Variants in NFATC2 observed in about 807,000 individuals in gnomAD.
NFATC2 encodes the protein nuclear factor of activated T cells 2, also known as nuclear factor of activated T-cells, cytoplasmic 2.
NFATC2 carries 22 observed loss-of-function variants against 87.3 expected under a neutral mutation model. The observed-to-expected ratio is 0.25, with a 90% CI of 0.18 to 0.36. The LOEUF (loss-of-function observed/expected upper bound fraction) is 0.36, where lower values mean the gene tolerates loss of function less well. NFATC2 is among the 10% of genes least tolerant of loss of function. NFATC2 has a pLI of 1.00. For missense variants in NFATC2, 1,149 were observed against 1,259.1 expected, an observed-to-expected ratio of 0.91 and a Z score of 1.32; for synonymous variants, 565 against 542.2, an observed-to-expected ratio of 1.04 and a Z score of -0.58.
At chr20:51,449,827 G>A (rs1985548300) in intron 6 of NFATC2, among the ~76,000 whole-genome samples, 1 of 152,036 alleles carries the variant, frequency 6.6e-6, no homozygotes, top group Non-Finnish European at 1.5e-5. Flanking sequence ...CTCTTATGAG[G>A]GATCAGATTA....
At chr20:51,552,303 T>C (rs1009850170) in intron 1 of NFATC2, among the ~76,000 whole-genome samples, 1 of 151,268 alleles carries the variant, frequency 6.6e-6, no homozygotes, top group Non-Finnish European at 1.5e-5. Flanking sequence ...CATATATGTA[T>C]GTGTGTCTGT....
At chr20:51,423,424 G>T (rs1438323733) in intron 9 of NFATC2, among the ~76,000 whole-genome samples, 1 of 151,232 alleles carries the variant, frequency 6.6e-6, no homozygotes, top group Non-Finnish European at 1.5e-5. Flanking sequence ...ATCCTGAAAT[G>T]AGTGAGGTAG....
chr20:51,406,369 G>A (rs886167382), intron 9 of NFATC2, among the ~76,000 whole-genome samples: 1 of 98,412 alleles, frequency 1.0e-5, no homozygotes, highest in African/African-American at 2.6e-5. Flanking sequence ...GGTACACAAA[G>A]AAAAATGGGG....
intron 6 of NFATC2, among the ~76,000 whole-genome samples, chr20:51,437,534 C>T (rs1049580703): frequency 2.0e-5 from 3 of 152,136 alleles, no homozygotes; most frequent in Admixed American, 1.3e-4. Flanking sequence ...ATTCACCCAG[C>T]GAAATCTGGA....
At chr20:51,482,823 T>C (rs537980594) in intron 3 of NFATC2, among the ~76,000 whole-genome samples, 10 of 152,248 alleles carry the variant, frequency 6.6e-5, no homozygotes, top group Non-Finnish European at 1.0e-4. Context: ...GATCAACATA[T>C]TGGCATTCGA....
intron 9 of NFATC2, among the ~76,000 whole-genome samples, chr20:51,400,195 G>A (rs1163592783): frequency 6.6e-6 from 1 of 152,006 alleles, no homozygotes; most frequent in African/African-American, 2.4e-5. Flanking sequence ...TGGAACTGAT[G>A]TTAGAGCACG....
chr20:51,555,304 C>A lies in NFATC2; in HGVS notation c.70+7256G>T, dbSNP rs148423932. Among the ~76,000 whole-genome samples, 6 of 152,278 alleles carry A rather than the reference C, an allele frequency of 3.9e-5. No individual in the cohort carries two copies. In the South Asian group the frequency reaches 1.2e-3, roughly 32 times the overall value. ...ATGAACTTCAGACTCCTTACAAGATCCTATGTGGGCCGGGTGCGGTGGCTC... is the reference window on the plus strand; with the variant it reads ...ATGAACTTCAGACTCCTTACAAGATACTATGTGGGCCGGGTGCGGTGGCTC... On this transcript the variant is annotated intron_variant, in intron 1 of 10. Transcript: ENST00000414705.
Position 51,432,084 on chromosome 20 carries a change from T to G in NFATC2, c.2705A>C (p.Gln902Pro), listed in dbSNP as rs779473785. The stretch of plus-strand genomic sequence containing the variant: ...CGTCTTACCATCATCCAAGTAGGTC[T>G]GGTCCAAGTTCTGCTCCTGTTTAAT... Reference protein sequence around the residue: ...VTIKQEQNLDQTYLDDELIDT... With the variant: ...VTIKQEQNLDPTYLDDELIDT... Residue 902 changes from glutamine (Q) to proline (P), a missense_variant, in exon 9 of 11, where the codon CAG (glutamine) becomes CCG (proline). Around this residue, in one of 3 missense-constraint regions of NFATC2, gnomAD observed 581 missense variants for 649.7 expected, o/e 0.89. Transcript: ENST00000371564. This position sits in a 1 kb window ranked among gnomAD's most constrained non-coding sequence, Gnocchi z 4.6. 4 of 1,529,922 alleles carry G rather than the reference T, an allele frequency of 2.6e-6. No individual in the cohort carries two copies. The highest frequency in any genetic ancestry group is 2.6e-6 in the Non-Finnish European group (3 of 1,135,816). 94.8% of individuals were successfully genotyped at this position (1,529,922 alleles called of 1,614,324 possible).
intron 9 of NFATC2, among the ~76,000 whole-genome samples, chr20:51,416,431 C>CA (rs746970675): frequency 2.6e-5 from 4 of 152,198 alleles, no homozygotes; most frequent in African/African-American, 4.8e-5. Context: ...CCTGGCTTCT[C>CA]ACTCTGTCTG....
chr20:51,549,540 G>A (rs909394090), intron 1 of NFATC2, among the ~76,000 whole-genome samples: 1 of 152,230 alleles, frequency 6.6e-6, no homozygotes, highest in Non-Finnish European at 1.5e-5. Flanking sequence ...ATAAATGTCT[G>A]ACCAAGCCTG....
chr20:51,418,166 G>C (rs968496566), intron 9 of NFATC2, among the ~76,000 whole-genome samples: 1 of 152,192 alleles, frequency 6.6e-6, no homozygotes, highest in Non-Finnish European at 1.5e-5. Flanking sequence ...AGAGTGCTAG[G>C]AATGCTCCAG....
upstream of NFATC2, among the ~76,000 whole-genome samples, chr20:51,543,898 A>G (rs545718094): frequency 6.6e-5 from 10 of 151,184 alleles, no homozygotes; most frequent in Admixed American, 2.0e-4. Context: ...CCCTTCCCAC[A>G]TATTAGAATC....
At chr20:51,507,454 A>G (rs2076203343) in intron 3 of NFATC2, among the ~76,000 whole-genome samples, 1 of 152,220 alleles carries the variant, frequency 6.6e-6, no homozygotes, top group African/African-American at 2.4e-5. Context: ...TAGAGCTCAA[A>G]AGTGATCTAT....
intron 6 of NFATC2, among the ~76,000 whole-genome samples, chr20:51,449,378 C>T (rs144912372): frequency 8.9e-4 from 135 of 152,272 alleles, no homozygotes; most frequent in African/African-American, 3.2e-3. Context: ...CAGAGCCAGA[C>T]ATCCCCCGCA....
intron 5 of NFATC2, 95 bp downstream of exon 5, chr20:51,473,885 A>G (rs1366704417): frequency 1.4e-6 from 2 of 1,379,488 alleles, no homozygotes; most frequent in African/African-American, 1.4e-5. Flanking sequence ...CCCGCAGGCC[A>G]CCCCGGGTAC....
intron 6 of NFATC2, among the ~76,000 whole-genome samples, chr20:51,436,429 C>T (rs1419148313): frequency 2.8e-5 from 4 of 143,544 alleles, no homozygotes; most frequent in Non-Finnish European, 6.0e-5. Flanking sequence ...TTATTAAGGG[C>T]TGGGCATGGT....
chr20:51,447,087 A>G (rs896507067), intron 6 of NFATC2, among the ~76,000 whole-genome samples: 2 of 1,960 alleles, frequency 1.0e-3, no homozygotes, highest in African/African-American at 8.9e-3. Context: ...CTTAATTTAG[A>G]AAAAAAAAAA....
At chr20:51,417,201 C>T (rs1052879644) in intron 9 of NFATC2, among the ~76,000 whole-genome samples, 1 of 152,102 alleles carries the variant, frequency 6.6e-6, no homozygotes, top group Non-Finnish European at 1.5e-5. Flanking sequence ...CCTTCCACGG[C>T]GCCCAGTAAG....
intron 9 of NFATC2, among the ~76,000 whole-genome samples, chr20:51,410,241 G>T (rs929397073): frequency 4.7e-5 from 7 of 150,076 alleles, no homozygotes; most frequent in African/African-American, 1.7e-4. Flanking sequence ...GAAATATTAG[G>T]ACATTTATGA....
Sources: gnomAD v4.1 joint callset for allele counts (sites outside exome capture counted in the v4.1 genomes callset) on GRCh38, gnomAD v4.1.1 for gene constraint, gnomAD v4.1.1 regional missense constraint, Gnocchi (gnomAD v3.1) non-coding constraint, MANE v1.5 for transcripts, NCBI Gene and HGNC (gene_info 2026-07-23, HGNC 2026-07-21) for gene names.